The following FBXO15 variants were observed in gnomAD, a reference collection of about 807,000 sequenced individuals.
FBXO15 encodes the protein F-box only protein 15.
In FBXO15, 30 loss-of-function variants were observed where a neutral mutation model predicts 49.5. The ratio of observed to expected loss-of-function variants is 0.61; its 90% CI spans 0.45 to 0.82. FBXO15 has a LOEUF of 0.82. FBXO15 is among the 40% of genes least tolerant of loss of function. FBXO15 has a pLI of 0.00. For missense variants in FBXO15, 591 were observed against 631.5 expected, an observed-to-expected ratio of 0.94 and a Z score of 0.69; for synonymous variants, 250 against 232.7, an observed-to-expected ratio of 1.07 and a Z score of -0.68.
At chr18:74,136,022 C>T (rs918542136) in intron 2 of FBXO15, among the ~76,000 whole-genome samples, 156 bp from the exon 3 acceptor site, 3 of 152,162 alleles carry the variant, frequency 2.0e-5, no homozygotes, top group African/African-American at 7.2e-5. Context: ...TCTTCAATTA[C>T]TTTCTTTATT....
rs562099633 is a variant in FBXO15 at position 74,123,374 on chromosome 18, T to C, written c.1132A>G (p.Lys378Glu). Residue 378 changes from lysine (K) to glutamate (E), a missense_variant, in exon 8 of 10, where the codon AAG becomes GAG. By Grantham distance (56) the Lys-to-Glu change is moderately conservative. Coordinates refer to ENST00000419743, the MANE Select transcript of FBXO15 (RefSeq NM_001142958.2). ...LCGTFRNLFT[K>E]RGNIENGHVK... The stretch of plus-strand genomic sequence containing the variant: ...AAAACTCAATCAATTTCACCTCTCT[T>C]GGTGAAGAGATTGCGAAATGTACCA... 6.2e-7 allele frequency: 1 copy of C among 1,602,692 alleles called. No homozygotes were observed. Among genetic ancestry groups the C allele is most frequent in the Non-Finnish European group, 8.5e-7 (1 of 1,177,430 alleles).
intron 9 of FBXO15, among the ~76,000 whole-genome samples, chr18:74,079,853 C>A (rs978414921): frequency 6.6e-6 from 1 of 152,182 alleles, no homozygotes; most frequent in Admixed American, 6.6e-5. Context: ...CCTTTCACGA[C>A]TGCACATCAC....
At chr18:74,142,860 A>G (rs1979172130) in intron 1 of FBXO15, among the ~76,000 whole-genome samples, 1 of 152,224 alleles carries the variant, frequency 6.6e-6, no homozygotes, top group Non-Finnish European at 1.5e-5. Context: ...AATTTGTAAT[A>G]CATTCTAAAA....
chr18:74,109,224 T>C (rs922810142), intron 8 of FBXO15, among the ~76,000 whole-genome samples: 1 of 152,018 alleles, frequency 6.6e-6, no homozygotes, highest in Non-Finnish European at 1.5e-5. Context: ...AATAGACATA[T>C]GAAAAAATGC....
At chr18:74,119,928 G>A (rs1425669157) in intron 8 of FBXO15, among the ~76,000 whole-genome samples, 4 of 152,194 alleles carry the variant, frequency 2.6e-5, no homozygotes, top group African/African-American at 7.2e-5. Context: ...TGTGGAAATC[G>A]CATCTTGTTC....
chr18:74,123,465 G>C lies in FBXO15; in HGVS notation c.1041C>G (p.Pro347=). ...GTTGGTAGCCGTGCAGTCCATACTC[G>C]GGGCTATCATCCAAAAAGGGGCTAT... The part of the protein sequence containing the change: ...PPHSPFLDDS[P]EYGLHGYQLH... Residue 347 remains proline, a synonymous_variant, in exon 8 of 10, where the codon CCC becomes CCG. Coordinates refer to ENST00000419743, the MANE Select transcript of FBXO15 (RefSeq NM_001142958.2). 1 of 1,613,626 alleles carries C rather than the reference G, an allele frequency of 6.2e-7. No individual in the cohort carries two copies. The highest frequency in any genetic ancestry group is 8.5e-7 in the Non-Finnish European group (1 of 1,179,804).
At chr18:74,129,675 G>T in intron 4 of FBXO15, 61 bp from the exon 5 acceptor site, 1 of 1,340,604 alleles carries the variant, frequency 7.5e-7, no homozygotes, top group Non-Finnish European at 1.0e-6. Flanking sequence ...AATGCTAAAG[G>T]CAATTTCATG....
At chr18:74,138,405 C>T (rs1978856377) in intron 2 of FBXO15, among the ~76,000 whole-genome samples, 1 of 152,258 alleles carries the variant, frequency 6.6e-6, no homozygotes, top group South Asian at 2.1e-4. Flanking sequence ...CGCAGGTCAC[C>T]GACTGCTCTT....
chr18:74,137,345 A>G (rs527298681), intron 2 of FBXO15, among the ~76,000 whole-genome samples: 1 of 152,338 alleles, frequency 6.6e-6, no homozygotes, highest in South Asian at 2.1e-4. Context: ...TTTTGATTTA[A>G]CTATTTCACA....
At chr18:74,135,409 C>T (rs113345361) in intron 3 of FBXO15, among the ~76,000 whole-genome samples, 3,327 of 152,266 alleles carry the variant, frequency 0.022, 125 homozygotes, top group African/African-American at 0.071. Flanking sequence ...TGCGAATGCA[C>T]GGCTAGGGTC....
rs1468000746 is a variant in FBXO15, at chr18:74,110,247, T to A, written c.1138+13121A>T. Among the ~76,000 whole-genome samples, 4 of 147,766 alleles carry A rather than the reference T, an allele frequency of 2.7e-5. No homozygotes were observed. In the East Asian group the frequency reaches 7.9e-4, roughly 29 times the overall value. ...TAAGTGAAATGAGAAACAGCAGTAA[T>A]ACAAAGATTGGGAGGGAGGAATTTG... On this transcript the variant is annotated intron_variant, in intron 8 of 9. Transcript: ENST00000419743.
intron 3 of FBXO15, among the ~76,000 whole-genome samples, chr18:74,133,124 G>A (rs1421801561): frequency 6.6e-6 from 1 of 152,174 alleles, no homozygotes. Flanking sequence ...ATGATCAGAC[G>A]TTGACTTTAA....
chr18:74,128,450 G>A (rs1249174811), intron 5 of FBXO15, among the ~76,000 whole-genome samples: 2 of 152,248 alleles, frequency 1.3e-5, no homozygotes, highest in East Asian at 3.9e-4. Flanking sequence ...AGGACAGACA[G>A]GAGAGAAACC....
In FBXO15 at chr18:74,089,119, T is replaced by C. The variant is rs550374347; in HGVS notation, c.1139-7068A>G. ...CACATGCCTTAGCTATTTATCCTGA[T>C]GCTCTCTCTTTCCACACACACACCC... On this transcript the variant is annotated intron_variant, in intron 8 of 9. Coordinates refer to ENST00000419743, the MANE Select transcript of FBXO15 (RefSeq NM_001142958.2). 2.0e-5 allele frequency among the ~76,000 whole-genome samples: 3 copies of C among 152,296 alleles called. No homozygotes were observed. In the South Asian group the frequency reaches 6.2e-4, roughly 32 times the overall value.
intron 8 of FBXO15, chr18:74,098,000 G>A (rs1913354358): frequency 6.6e-6 from 1 of 152,390 alleles, no homozygotes; most frequent in Non-Finnish European, 1.5e-5. Context: ...CCTACCAGAT[G>A]GCTAGATCCA....
chr18:74,143,084 G>C (rs987979383), intron 1 of FBXO15, among the ~76,000 whole-genome samples: 1 of 152,112 alleles, frequency 6.6e-6, no homozygotes, highest in Non-Finnish European at 1.5e-5. Context: ...ATGGGAGTGT[G>C]GGGGTTGGCT....
At chr18:74,145,215 T>C (rs1979329825) in intron 1 of FBXO15, among the ~76,000 whole-genome samples, 1 of 152,248 alleles carries the variant, frequency 6.6e-6, no homozygotes, top group South Asian at 2.1e-4. Context: ...AATCATATAC[T>C]CTGCACAAGG....
intron 8 of FBXO15, among the ~76,000 whole-genome samples, chr18:74,093,319 G>A (rs1423942195): frequency 6.6e-6 from 1 of 151,844 alleles, no homozygotes; most frequent in Non-Finnish European, 1.5e-5. Flanking sequence ...AGGGTAGTCT[G>A]CAATGAGGAA....
At chr18:74,087,531 C>A (rs1472533373) in intron 8 of FBXO15, among the ~76,000 whole-genome samples, 1 of 152,186 alleles carries the variant, frequency 6.6e-6, no homozygotes, top group Non-Finnish European at 1.5e-5. Context: ...ATAATGGCCT[C>A]TAGCTCCATC....
Sources: allele counts gnomAD v4.1 joint callset (sites outside exome capture counted in the v4.1 genomes callset), GRCh38; gene constraint gnomAD v4.1.1; transcripts MANE v1.5; gene names NCBI Gene and HGNC (gene_info 2026-07-23, HGNC 2026-07-21).